The following DIDO1 variants were observed in gnomAD, a reference collection of about 807,000 sequenced individuals.
DIDO1 encodes death inducer-obliterator 1.
DIDO1 carries 16 observed loss-of-function variants against 99.4 expected under a neutral mutation model. The observed-to-expected ratio is 0.16, with a 90% confidence interval of 0.11 to 0.24. The LOEUF (loss-of-function observed/expected upper bound fraction) is 0.24, where lower values mean the gene tolerates loss of function less well. Among genes scored for constraint, DIDO1 ranks in the 10% least tolerant of loss-of-function variants. DIDO1 has a pLI of 1.00. For missense variants in DIDO1, 2,996 were observed against 3,014.0 expected (o/e 0.99, Z 0.14); for synonymous variants, 1,366 against 1,239.1 (o/e 1.10, Z -2.15).
intron 12 of DIDO1, 62 bp from the exon 13 acceptor site, chr20:62,893,024 T>G (rs1315739335): frequency 1.6e-5 from 24 of 1,509,338 alleles, no homozygotes; most frequent in Non-Finnish European, 2.0e-5. Flanking sequence ...ATTTCAAAAG[T>G]AGAAAGCCTT....
In DIDO1 at chr20:62,879,367, G is replaced by A. The variant is rs11551134; in HGVS notation, c.6589C>T (p.Arg2197Trp). Residue 2197 changes from arginine to tryptophan, a missense_variant, in exon 16 of 16, where the codon CGG becomes TGG. Around this residue, in one of 5 missense-constraint regions of DIDO1, gnomAD observed 1,562 missense variants for 1,412.6 expected, o/e 1.11. Transcript: ENST00000395343. The surrounding 1 kb of genome is among the most constrained non-coding windows in gnomAD (Gnocchi z 6.3). ...RDRDRSRSRE[R>W]DRDKARDRER... is the part of the protein sequence containing the mutation. Reference sequence around the variant, plus strand: ...CTGTCCCTGGCCTTGTCTCGGTCCCGCTCTCTGCTCCGGGACCGGTCCCGG... The same window carrying A: ...CTGTCCCTGGCCTTGTCTCGGTCCCACTCTCTGCTCCGGGACCGGTCCCGG... The A allele has an allele frequency of 3.2e-6, 5 of 1,547,660 alleles. No homozygotes were observed. The highest frequency in any genetic ancestry group is 4.4e-6 in the Non-Finnish European group (5 of 1,148,436).
Position 62,909,831 on chromosome 20 carries a change from T to A in DIDO1, c.1029A>T (p.Gly343=). The A allele has an allele frequency of 6.2e-7, 1 of 1,614,226 alleles. No individual in the cohort carries two copies. The highest frequency in any genetic ancestry group is 8.5e-7 in the Non-Finnish European group (1 of 1,180,034). The part of the protein sequence containing the change: ...ADQQEAKWRP[G]DADGTDCTSI... Reference sequence around the variant, plus strand: ...TTGTACAATCGGTGCCATCAGCATCTCCAGGTCTCCATTTAGCTTCCTGCT... The same window carrying A: ...TTGTACAATCGGTGCCATCAGCATCACCAGGTCTCCATTTAGCTTCCTGCT... Residue 343 remains glycine, a synonymous_variant, in exon 4 of 16, where the codon GGA becomes GGT. Coordinates refer to ENST00000395343, the MANE Select transcript of DIDO1 (RefSeq NM_001193369.2).
chr20:62,915,189 T>C (rs1329108521), intron 1 of DIDO1, among the ~76,000 whole-genome samples: 1 of 152,154 alleles, frequency 6.6e-6, no homozygotes, highest in Non-Finnish European at 1.5e-5. Context: ...AAAGGGACAG[T>C]GACAACTGGG....
Position 62,879,717 on chromosome 20 carries a change from T to C in DIDO1, c.6239A>G (p.Asn2080Ser), listed in dbSNP as rs145560999. 423 of 1,611,598 alleles carry C rather than the reference T, an allele frequency of 2.6e-4. No individual in the cohort carries two copies. The African/African-American group carries it at 4.7e-3, about 18-fold the overall frequency. ...FREGKGHEYR[N>S]QTFEGRQRER... ...TCTCTGCCTCCCTTCGAAAGTCTGG[T>C]TTCTGTATTCGTGGCCTTTCCCCTC... The change falls in exon 16 of 16, where the codon AAC (asparagine) becomes AGC (serine). Residue 2080 changes from asparagine (N) to serine (S), a missense_variant. Physicochemically the swap from Asn to Ser is conservative, Grantham distance 46. This residue lies in a region of DIDO1 where 1,562 missense variants were observed against 1,412.6 expected (regional missense o/e 1.11). Coordinates refer to ENST00000395343, the MANE Select transcript of DIDO1 (RefSeq NM_001193369.2). The surrounding 1 kb of genome is among the most constrained non-coding windows in gnomAD (Gnocchi z 6.3).
intron 3 of DIDO1, 103 bp from the exon 4 acceptor site, chr20:62,910,123 T>G: frequency 8.0e-7 from 1 of 1,254,758 alleles, no homozygotes; most frequent in Non-Finnish European, 1.1e-6. Flanking sequence ...AAAATGCAAA[T>G]ATACAGAAAA....
rs113701059 is a variant in DIDO1 at position 62,880,928 on chromosome 20, G to A, written c.5028C>T (p.His1676=). ...GALQPGFPLQ[H]DGERDPFTCP... is the part of the protein sequence containing the mutation. The stretch of plus-strand genomic sequence containing the variant: ...AGGTGAAAGGGTCCCTCTCACCGTC[G>A]TGCTGCAGCGGGAAGCCGGGCTGCA... The change falls in exon 16 of 16, where the codon CAC becomes CAT. Residue 1676 remains histidine (H), a synonymous_variant. Coordinates refer to ENST00000395343, the MANE Select transcript of DIDO1 (RefSeq NM_001193369.2). 3.7e-6 allele frequency: 6 copies of A among 1,609,526 alleles called. No individual in the cohort carries two copies. The highest frequency in any genetic ancestry group is 5.1e-6 in the Non-Finnish European group (6 of 1,179,840).
At chr20:62,889,505 C>T (rs1442429613) in intron 15 of DIDO1, 1 of 985,356 alleles carries the variant, frequency 1.0e-6, no homozygotes, top group Non-Finnish European at 1.2e-6. Flanking sequence ...AGAAAAAGTG[C>T]TCTTTCCACC....
chr20:62,879,279 G>A lies in DIDO1; in HGVS notation c.6677C>T (p.Pro2226Leu), dbSNP rs1295350273. The A allele has an allele frequency of 6.3e-7, 1 of 1,576,296 alleles. No homozygotes were observed. The highest frequency in any genetic ancestry group is 8.6e-7 in the Non-Finnish European group (1 of 1,164,240). Residue 2226 changes from proline to leucine, a missense_variant, in exon 16 of 16, where the codon CCC (proline) becomes CTC (leucine). By Grantham distance (98) the Pro-to-Leu change is moderately conservative. Transcript: ENST00000395343. This position sits in a 1 kb window ranked among gnomAD's most constrained non-coding sequence, Gnocchi z 6.3. Reference sequence around the variant, plus strand: ...AGCGTCGGAGGCCCTCGAGGCCTCGGGCTTCGGGTCCCGAGCGCTCTCTTT... The same window carrying A: ...AGCGTCGGAGGCCCTCGAGGCCTCGAGCTTCGGGTCCCGAGCGCTCTCTTT... ...KSKESARDPK[P>L]EASRASDAGT...
chr20:62,908,364 T>A (rs2064852861), intron 4 of DIDO1, among the ~76,000 whole-genome samples: 1 of 152,180 alleles, frequency 6.6e-6, no homozygotes, highest in South Asian at 2.1e-4. Flanking sequence ...CAGCCCCCGC[T>A]GCACCGTGAC....
chr20:62,883,170 TGCCTCG>T (rs1291135861), intron 15 of DIDO1, among the ~76,000 whole-genome samples: 1 of 151,852 alleles, frequency 6.6e-6, no homozygotes, highest in African/African-American at 2.4e-5. Flanking sequence ...GTGATCCACC[TGCCTCG>T]GCCTCCCAAA....
Position 62,880,325 on chromosome 20 carries a change from T to A in DIDO1, c.5631A>T (p.Pro1877=). The A allele has an allele frequency of 6.2e-7, 1 of 1,612,806 alleles. No homozygotes were observed. The highest frequency in any genetic ancestry group is 2.2e-5 in the East Asian group (1 of 44,854). Reference sequence around the variant, plus strand: ...GCGCGCCGCCTCTGCTTCCCAGAAATGGGGCTTGCTCTGTCCCTTCAAACT... The same window carrying A: ...GCGCGCCGCCTCTGCTTCCCAGAAAAGGGGCTTGCTCTGTCCCTTCAAACT... The part of the protein sequence containing the change: ...PAQFEGTEQA[P]FLGSRGGAPF... The change falls in exon 16 of 16, where the codon CCA becomes CCT. Residue 1877 remains proline, a synonymous_variant. Transcript: ENST00000395343.
intron 15 of DIDO1, among the ~76,000 whole-genome samples, chr20:62,883,269 A>T (rs753902376): frequency 1.3e-4 from 20 of 152,156 alleles, no homozygotes; most frequent in Non-Finnish European, 2.9e-4. Flanking sequence ...AATTACTCTA[A>T]ATATACTAAT....
chr20:62,880,234 G>C lies in DIDO1; in HGVS notation c.5722C>G (p.Pro1908Ala). Residue 1908 changes from proline (P) to alanine (A), a missense_variant, in exon 16 of 16, where the codon CCT becomes GCT. Physicochemically the swap from Pro to Ala is conservative, Grantham distance 27 (BLOSUM62 -1). Transcript: ENST00000395343. ...SQLKGPRGGP[P>A]PSQFGGQRGP... ...CTCTGACCTCCAAACTGAGAGGGAG[G>C]GGGGCCGCCTCGGGGGCCTTTCAGC... 1 of 1,612,450 alleles carries C rather than the reference G, an allele frequency of 6.2e-7. No individual in the cohort carries two copies. The highest frequency in any genetic ancestry group is 1.3e-5 in the African/African-American group (1 of 75,042).
At position 62,879,019 on chromosome 20, in the gene DIDO1, T is replaced by G. The variant is rs1279558611; in HGVS notation, c.*214A>C. On this transcript the variant is annotated 3_prime_UTR_variant, in exon 16 of 16. Coordinates refer to ENST00000395343, the MANE Select transcript of DIDO1 (RefSeq NM_001193369.2). This position sits in a 1 kb window ranked among gnomAD's most constrained non-coding sequence, Gnocchi z 6.3. Reference sequence around the variant, plus strand: ...TAGGCAATTTCCCATTTCTTTTAATTTTAAATGGAAATATTAAAGTTTAGT... The same window carrying G: ...TAGGCAATTTCCCATTTCTTTTAATGTTAAATGGAAATATTAAAGTTTAGT... 1 of 467,430 alleles carries G rather than the reference T, an allele frequency of 2.1e-6. No individual in the cohort carries two copies. 29.0% of individuals were successfully genotyped at this position (467,430 alleles called of 1,614,324 possible).
rs534731654 is a variant in DIDO1, at chr20:62,918,225, A to T, written c.-199-3819T>A. 3.9e-5 allele frequency among the ~76,000 whole-genome samples: 6 copies of T among 152,372 alleles called. No individual in the cohort carries two copies. The South Asian group carries it at 1.2e-3, about 32-fold the overall frequency. On this transcript the variant is annotated intron_variant, in intron 1 of 15. Transcript: ENST00000395343. ...AGCCTAACTGCAACTATTACAATGC[A>T]TGGGTTTGCAACCACTGCAAATCTG...
intron 15 of DIDO1, among the ~76,000 whole-genome samples, chr20:62,882,952 T>TC (rs1194698384): frequency 8.3e-6 from 1 of 120,628 alleles, no homozygotes; most frequent in Non-Finnish European, 1.6e-5. Flanking sequence ...AGATGGAGTG[T>TC]CGCTCTGTTG....
At chr20:62,926,997 TG>T (rs939493850), upstream of DIDO1, among the ~76,000 whole-genome samples, 19 of 152,158 alleles carry the variant, frequency 1.2e-4, no homozygotes, top group African/African-American at 4.3e-4. Context: ...CGGCCTCGGC[TG>T]GGAATGGCAG....
At chr20:62,906,880 A>T (rs1340146830) in intron 5 of DIDO1, among the ~76,000 whole-genome samples, 1 of 152,170 alleles carries the variant, frequency 6.6e-6, no homozygotes, top group African/African-American at 2.4e-5. Context: ...TTCTCACAAG[A>T]CAGCAGGGTG....
chr20:62,888,820 T>A, intron 15 of DIDO1: 4 of 985,438 alleles, frequency 4.1e-6, no homozygotes, highest in Non-Finnish European at 4.8e-6. Context: ...TTAGTGACCA[T>A]GGAAGTGTGT....
Sources: gnomAD v4.1 joint callset for allele counts (sites outside exome capture counted in the v4.1 genomes callset) on GRCh38, gnomAD v4.1.1 for gene constraint, gnomAD v4.1.1 regional missense constraint, Gnocchi (gnomAD v3.1) non-coding constraint, MANE v1.5 for transcripts, NCBI Gene and HGNC (gene_info 2026-07-23, HGNC 2026-07-21) for gene names.